Variants in FAM151B observed in about 807,000 individuals in gnomAD.
FAM151B encodes the protein family with sequence similarity 151 member B.
Under a neutral mutation model 31.2 loss-of-function variants are expected in FAM151B, and 24 were observed. That is an observed-to-expected ratio of 0.77 (90% confidence interval 0.56 to 1.08). The LOEUF (loss-of-function observed/expected upper bound fraction) is 1.08. Ranked by LOEUF, FAM151B falls within the 50% of genes least tolerant of loss-of-function variation. The pLI is 0.00. For synonymous variants in FAM151B, 105 were observed against 111.4 expected, an observed-to-expected ratio of 0.94 and a Z score of 0.36; for missense variants, 293 against 328.6, an observed-to-expected ratio of 0.89 and a Z score of 0.84.
At chr5:80,528,081 T>C (rs1450471825) in intron 5 of FAM151B, among the ~76,000 whole-genome samples, 1 of 152,172 alleles carries the variant, frequency 6.6e-6, no homozygotes, top group African/African-American at 2.4e-5. Context: ...ACACAAAAAC[T>C]ATACTTCCAG....
intron 1 of FAM151B, among the ~76,000 whole-genome samples, chr5:80,493,211 A>G (rs1335494801): frequency 1.3e-5 from 2 of 152,344 alleles, no homozygotes; most frequent in South Asian, 4.1e-4. Context: ...GCAGAAGAAC[A>G]TAAATTGTGA....
chr5:80,510,126 T>A (rs1278893463), intron 2 of FAM151B, among the ~76,000 whole-genome samples: 1 of 152,156 alleles, frequency 6.6e-6, no homozygotes. Context: ...CAAAAATGAG[T>A]GACTTAAAAT....
intron 1 of FAM151B, among the ~76,000 whole-genome samples, chr5:80,499,497 A>G (rs1281353488): frequency 6.6e-6 from 1 of 152,166 alleles, no homozygotes; most frequent in East Asian, 1.9e-4. Flanking sequence ...TAAATATAGA[A>G]TGGGGTTTCA....
intron 2 of FAM151B, among the ~76,000 whole-genome samples, chr5:80,506,888 C>T (rs112844257): frequency 0.022 from 3,412 of 152,044 alleles, 54 homozygotes; most frequent in Non-Finnish European, 0.034. Context: ...AGGTGGCTCA[C>T]GCCTGTACTC....
chr5:80,494,403 G>C (rs1029837174), intron 1 of FAM151B, among the ~76,000 whole-genome samples: 2 of 152,010 alleles, frequency 1.3e-5, no homozygotes, highest in African/African-American at 4.8e-5. Context: ...GAAAGTAGCT[G>C]CACTAACAGC....
chr5:80,490,049 C>CACACAG (rs890726622), intron 1 of FAM151B, among the ~76,000 whole-genome samples: 1 of 150,926 alleles, frequency 6.6e-6, no homozygotes, highest in African/African-American at 2.4e-5. Context: ...CACACACACA[C>CACACAG]ACATTCTCAA....
At chr5:80,504,392 T>C (rs1743867553) in intron 2 of FAM151B, among the ~76,000 whole-genome samples, 1 of 152,176 alleles carries the variant, frequency 6.6e-6, no homozygotes, top group Non-Finnish European at 1.5e-5. Flanking sequence ...CCCCCTTTTT[T>C]TTCATGTAGG....
intron 3 of FAM151B, among the ~76,000 whole-genome samples, chr5:80,518,075 G>GAAAAAAAAAAAAAAAAAA (rs796173147): frequency 2.7e-5 from 2 of 72,772 alleles, no homozygotes; most frequent in Admixed American, 1.3e-4. Context: ...CCATCTCAAA[G>GAAAAAAAAAAAAAAAAAA]AAAAAAAAAA....
chr5:80,529,485 C>T lies in FAM151B; in HGVS notation c.671+7347C>T, dbSNP rs185793830. On this transcript the variant is annotated intron_variant, in intron 5 of 5. Coordinates refer to ENST00000282226, the MANE Select transcript of FAM151B (RefSeq NM_205548.3). ...GAAAAGATCAACAAAATTGATAGAC[C>T]GCTAGCAAGACTAATAAAGAAGAAA... Among the ~76,000 whole-genome samples the T allele has an allele frequency of 4.9e-3, 748 of 151,970 alleles. 3 individuals are homozygous for T. The highest frequency in any genetic ancestry group is 0.016 in the African/African-American group (675 of 41,440).
intron 1 of FAM151B, among the ~76,000 whole-genome samples, chr5:80,490,671 C>G (rs1417518007): frequency 6.6e-6 from 1 of 152,172 alleles, no homozygotes; most frequent in African/African-American, 2.4e-5. Context: ...CCAATATAGA[C>G]CCTCTTATGT....
intron 5 of FAM151B, among the ~76,000 whole-genome samples, chr5:80,531,001 A>G (rs1219714488): frequency 1.3e-5 from 2 of 152,230 alleles, no homozygotes; most frequent in Non-Finnish European, 2.9e-5. Flanking sequence ...ACAAGGCTGC[A>G]GTAACCAAAA....
At chr5:80,489,793 C>T (rs186025483) in intron 1 of FAM151B, among the ~76,000 whole-genome samples, 1 of 149,046 alleles carries the variant, frequency 6.7e-6, no homozygotes, top group Non-Finnish European at 1.5e-5. Context: ...GGCGTGGTGG[C>T]GGCGCCTGTA....
chr5:80,488,696 C>T (rs1580403019), intron 1 of FAM151B, among the ~76,000 whole-genome samples: 1 of 152,228 alleles, frequency 6.6e-6, no homozygotes, highest in African/African-American at 2.4e-5. Flanking sequence ...TAAGTAGTGG[C>T]ATGAGACAAC....
chr5:80,514,213 G>T (rs1744314896), intron 3 of FAM151B, among the ~76,000 whole-genome samples: 1 of 152,056 alleles, frequency 6.6e-6, no homozygotes, highest in Non-Finnish European at 1.5e-5. Context: ...AGTGGCTTCA[G>T]CCTGTAATTC....
chr5:80,531,751 G>C (rs1745253901), intron 5 of FAM151B, among the ~76,000 whole-genome samples: 1 of 152,160 alleles, frequency 6.6e-6, no homozygotes, highest in African/African-American at 2.4e-5. Flanking sequence ...GTGCTGGAGA[G>C]GATGTGGAGA....
intron 2 of FAM151B, among the ~76,000 whole-genome samples, chr5:80,507,345 C>G (rs542840563): frequency 7.9e-5 from 12 of 152,220 alleles, no homozygotes; most frequent in Non-Finnish European, 1.6e-4. Flanking sequence ...TACAAGTATA[C>G]TTTGATCCCT....
intron 1 of FAM151B, among the ~76,000 whole-genome samples, chr5:80,493,601 G>A (rs1005614417): frequency 1.3e-5 from 2 of 152,106 alleles, no homozygotes; most frequent in African/African-American, 4.8e-5. Flanking sequence ...GCATTCCTGG[G>A]GGAAGTCTAT....
At chr5:80,518,986 C>A (rs368041242) in intron 3 of FAM151B, 3 of 152,094 alleles carry the variant, frequency 2.0e-5, no homozygotes, top group East Asian at 1.9e-4. Context: ...CTGATTAAAA[C>A]CTTATTGTTT....
intron 2 of FAM151B, among the ~76,000 whole-genome samples, chr5:80,509,833 C>G (rs896064091): frequency 6.6e-6 from 1 of 152,230 alleles, no homozygotes; most frequent in Non-Finnish European, 1.5e-5. Context: ...GCCAAATACA[C>G]AGGTTCACTG....
Sources: gnomAD v4.1 joint callset for allele counts (sites outside exome capture counted in the v4.1 genomes callset) on GRCh38, gnomAD v4.1.1 for gene constraint, MANE v1.5 for transcripts, NCBI Gene and HGNC (gene_info 2026-07-23, HGNC 2026-07-21) for gene names.